The following ACOT13 variants were observed in gnomAD, a reference collection of about 807,000 sequenced individuals.
ACOT13 encodes acyl-coenzyme A thioesterase 13.
ACOT13 carries 10 observed loss-of-function variants against 11.8 expected under a neutral mutation model. That is an observed-to-expected ratio of 0.85 (90% CI 0.53 to 1.44). ACOT13 has a LOEUF of 1.44. Among genes scored for constraint, ACOT13 ranks in the 40% most tolerant of loss-of-function variants. ACOT13 has a pLI of 0.00. For synonymous variants in ACOT13, 53 were observed against 61.0 expected, an observed-to-expected ratio of 0.87 and a Z score of 0.61; for missense variants, 172 against 174.1, an observed-to-expected ratio of 0.99 and a Z score of 0.07.
rs1032708006 is a variant in ACOT13 at position 24,702,941 on chromosome 6, G to C, written c.*1326G>C. ...GAGACAGCTTCTGTCACTCAGGCTG[G>C]AGTGATACAATCACAGCTTCCCATA... On this transcript the variant is annotated 3_prime_UTR_variant, in exon 3 of 3. Transcript: ENST00000230048. The C allele has an allele frequency of 2.0e-5, 3 of 152,218 alleles. No homozygotes were observed. Among genetic ancestry groups the C allele is most frequent in the Non-Finnish European group, 4.4e-5 (3 of 68,054 alleles). 9.4% of individuals were successfully genotyped at this position (152,218 alleles called of 1,614,324 possible).
chr6:24,685,332 C>CTTTTTTTTTT (rs563020332), intron 1 of ACOT13, among the ~76,000 whole-genome samples: 16 of 116,782 alleles, frequency 1.4e-4, no homozygotes, highest in South Asian at 2.8e-4. Flanking sequence ...TTTTACTGTA[C>CTTTTTTTTTT]TTTTTTTTTT....
chr6:24,689,981 T>G (rs945872383), intron 1 of ACOT13, among the ~76,000 whole-genome samples: 2 of 152,310 alleles, frequency 1.3e-5, no homozygotes, highest in Non-Finnish European at 2.9e-5. Flanking sequence ...TAGTCAAGAT[T>G]TAGTTCTTTC....
At chr6:24,700,940 A>G (rs888084349) in intron 2 of ACOT13, 4 of 152,080 alleles carry the variant, frequency 2.6e-5, no homozygotes, top group African/African-American at 9.7e-5. Context: ...AGCTGGAGCC[A>G]GCTGAGTTAA....
At chr6:24,699,392 A>G (rs935074934) in intron 2 of ACOT13, among the ~76,000 whole-genome samples, 39 of 152,028 alleles carry the variant, frequency 2.6e-4, no homozygotes, top group Admixed American at 2.6e-3. Context: ...TTGTATTTTT[A>G]GTAGAGATGG....
intron 1 of ACOT13, among the ~76,000 whole-genome samples, chr6:24,690,033 T>G (rs6936817): frequency 0.016 from 2,508 of 152,282 alleles, 64 homozygotes; most frequent in African/African-American, 0.056. Context: ...AAAACAGCAC[T>G]AAGAAAAAAC....
At chr6:24,676,585 T>C (rs1778458513) in intron 1 of ACOT13, among the ~76,000 whole-genome samples, 1 of 152,202 alleles carries the variant, frequency 6.6e-6, no homozygotes. Flanking sequence ...ATCCTGAGAC[T>C]TTGCTGAAGT....
In ACOT13 at chr6:24,702,531, A is replaced by G. The variant is rs1157775165; in HGVS notation, c.*916A>G. Reference sequence around the variant, plus strand: ...TTGGGGGTTGGGATTTTAACATACAAATTTAGGGGAAACACATGGAGACCA... The same window carrying G: ...TTGGGGGTTGGGATTTTAACATACAGATTTAGGGGAAACACATGGAGACCA... On this transcript the variant is annotated 3_prime_UTR_variant, in exon 3 of 3. Coordinates refer to ENST00000230048, the MANE Select transcript of ACOT13 (RefSeq NM_018473.4). 1.3e-5 allele frequency: 2 copies of G among 152,092 alleles called. No homozygotes were observed. The highest frequency in any genetic ancestry group is 4.8e-5 in the African/African-American group (2 of 41,394). 9.4% of individuals were successfully genotyped at this position (152,092 alleles called of 1,614,324 possible).
chr6:24,697,951 T>C lies in ACOT13; in HGVS notation c.150T>C (p.Asn50=), dbSNP rs1242839873. The C allele has an allele frequency of 6.2e-7, 1 of 1,613,900 alleles. No individual in the cohort carries two copies. Among genetic ancestry groups the C allele is most frequent in the Admixed American group, 1.7e-5 (1 of 59,936 alleles). Residue 50 remains asparagine, a synonymous_variant, in exon 2 of 3, where the codon AAT becomes AAC. Transcript: ENST00000230048. Reference sequence around the variant, plus strand: ...TGAAAGTAGAAGAAGAGCATACCAATGCAATAGGCACTCTCCACGGCGGTT... The same window carrying C: ...TGAAAGTAGAAGAAGAGCATACCAACGCAATAGGCACTCTCCACGGCGGTT... ...CEMKVEEEHT[N]AIGTLHGGLT...
In ACOT13 at chr6:24,703,220, T is replaced by C. The variant is rs1486156030; in HGVS notation, c.*1605T>C. On this transcript the variant is annotated 3_prime_UTR_variant, in exon 3 of 3. Transcript: ENST00000230048. ...TCAGGGAATCTTAATGAACATTTCA[T>C]GACTAAAGACTAAAAAGGATGCAGC... 1 of 152,236 alleles carries C rather than the reference T, an allele frequency of 6.6e-6. No individual in the cohort carries two copies. Among genetic ancestry groups the C allele is most frequent in the Non-Finnish European group, 1.5e-5 (1 of 68,040 alleles). The allele number at this position is 152,236 out of a possible 1,614,324, so 9.4% of individuals were successfully genotyped here.
intron 1 of ACOT13, among the ~76,000 whole-genome samples, chr6:24,681,669 T>C (rs557621538): frequency 6.6e-6 from 1 of 152,254 alleles, no homozygotes; most frequent in South Asian, 2.1e-4. Context: ...GAGAGCTGCA[T>C]ACCTGAATCA....
At chr6:24,685,755 A>G (rs955205112) in intron 1 of ACOT13, among the ~76,000 whole-genome samples, 2 of 152,212 alleles carry the variant, frequency 1.3e-5, no homozygotes, top group African/African-American at 2.4e-5. Context: ...TTTGAGGGAC[A>G]CTACTGGCAT....
chr6:24,681,578 GTC>G (rs57022879), intron 1 of ACOT13, among the ~76,000 whole-genome samples: 115,627 of 150,744 alleles, frequency 0.77, 44,998 homozygotes, highest in African/African-American at 0.9. Flanking sequence ...CTCTCTCTCC[GTC>G]TCTCTCTCTC....
At chr6:24,692,588 T>A (rs1054624909) in intron 1 of ACOT13, among the ~76,000 whole-genome samples, 2 of 151,946 alleles carry the variant, frequency 1.3e-5, no homozygotes, top group African/African-American at 4.8e-5. Flanking sequence ...TGGCTAATTT[T>A]AAAAAATTTT....
intron 1 of ACOT13, among the ~76,000 whole-genome samples, chr6:24,676,849 A>G (rs1778462919): frequency 6.6e-6 from 1 of 152,124 alleles, no homozygotes; most frequent in South Asian, 2.1e-4. Flanking sequence ...GCCAATAGTA[A>G]TCTCCTAATG....
rs1778890604 is a variant in ACOT13, at chr6:24,701,463, A to C, written c.271A>C (p.Met91Leu). The change falls in exon 3 of 3, where the codon ATG becomes CTG. Residue 91 changes from methionine to leucine, a missense_variant. Met to Leu is a conservative substitution (Grantham distance 15). Coordinates refer to ENST00000230048, the MANE Select transcript of ACOT13 (RefSeq NM_018473.4). ...GVSVDMNITY[M>L]SPAKLGEDIV... ...CTATATTCATTTTCTTTCAAGGTAC[A>C]TGTCACCTGCAAAATTAGGAGAAGA... 1 of 1,606,624 alleles carries C rather than the reference A, an allele frequency of 6.2e-7. No individual in the cohort carries two copies. The highest frequency in any genetic ancestry group is 1.1e-5 in the South Asian group (1 of 89,384).
intron 1 of ACOT13, among the ~76,000 whole-genome samples, chr6:24,668,147 A>G (rs1778294642): frequency 6.6e-6 from 1 of 151,958 alleles, no homozygotes; most frequent in Non-Finnish European, 1.5e-5. Context: ...ACCTCAGGTG[A>G]AACGCCTGCC....
chr6:24,693,114 G>A (rs1256896010), intron 1 of ACOT13, among the ~76,000 whole-genome samples: 3 of 152,226 alleles, frequency 2.0e-5, no homozygotes, highest in Non-Finnish European at 2.9e-5. Flanking sequence ...GTCATCTGCA[G>A]TGTCACACAC....
chr6:24,681,136 A>G (rs183813350), intron 1 of ACOT13, among the ~76,000 whole-genome samples: 1 of 152,202 alleles, frequency 6.6e-6, no homozygotes, highest in East Asian at 1.9e-4. Flanking sequence ...TTTCTAACAT[A>G]ATAGCCCCAT....
intron 1 of ACOT13, 101 bp from the exon 2 acceptor site, chr6:24,697,781 CT>C: frequency 1.1e-6 from 1 of 940,216 alleles, no homozygotes; most frequent in Non-Finnish European, 1.5e-6. Flanking sequence ...TCTGAGTCAA[CT>C]TTTTTCAGAA....
Sources: gnomAD v4.1 joint callset for allele counts (sites outside exome capture counted in the v4.1 genomes callset) on GRCh38, gnomAD v4.1.1 for gene constraint, MANE v1.5 for transcripts, NCBI Gene and HGNC (gene_info 2026-07-23, HGNC 2026-07-21) for gene names.